The following DOCK3 variants were observed in gnomAD, a reference collection of about 807,000 sequenced individuals.
The protein encoded by DOCK3 is dedicator of cytokinesis 3, also known as dedicator of cytokinesis protein 3.
In DOCK3, 60 loss-of-function variants were observed where a neutral mutation model predicts 265.6. That is an observed-to-expected ratio of 0.23 (90% confidence interval 0.18 to 0.28). The LOEUF is 0.28. Ranked by LOEUF, DOCK3 falls within the 10% of genes least tolerant of loss-of-function variation. The probability of loss-of-function intolerance (pLI) is 1.00; values close to 1 mark genes in which losing one functional copy is unlikely to be tolerated. For missense variants in DOCK3, 1,981 were observed against 2,594.3 expected, an observed-to-expected ratio of 0.76 and a Z score of 5.14; for synonymous variants, 881 against 938.0, an observed-to-expected ratio of 0.94 and a Z score of 1.11.
intron 5 of DOCK3, among the ~76,000 whole-genome samples, chr3:51,030,432 C>G (rs774988120): frequency 1.3e-5 from 2 of 152,132 alleles, no homozygotes; most frequent in Non-Finnish European, 2.9e-5. Flanking sequence ...TTGAGTAAGG[C>G]AGATTCTTTG....
intron 38 of DOCK3, among the ~76,000 whole-genome samples, chr3:51,346,115 T>A (rs1560475116): frequency 6.6e-6 from 1 of 152,154 alleles, no homozygotes; most frequent in East Asian, 1.9e-4. Flanking sequence ...AGTAAACTAA[T>A]GACCCTCAAT....
intron 2 of DOCK3, among the ~76,000 whole-genome samples, chr3:50,829,045 C>A (rs553035025): frequency 6.6e-6 from 1 of 152,238 alleles, no homozygotes; most frequent in African/African-American, 2.4e-5. Flanking sequence ...CTTTACCATG[C>A]TTTTACATGG....
intron 1 of DOCK3, among the ~76,000 whole-genome samples, chr3:50,739,872 T>C (rs1335611623): frequency 6.6e-6 from 1 of 152,176 alleles, no homozygotes; most frequent in East Asian, 1.9e-4. Context: ...ATTAAAAAAA[T>C]TTATAATTGA....
chr3:51,063,369 A>G (rs901180770), intron 5 of DOCK3, among the ~76,000 whole-genome samples: 1 of 152,200 alleles, frequency 6.6e-6, no homozygotes, highest in African/African-American at 2.4e-5. Flanking sequence ...CTTAATAGAA[A>G]AAAGTCACAT....
intron 44 of DOCK3, 23 bp downstream of exon 44, chr3:51,357,164 A>T (rs752282935): frequency 6.9e-6 from 11 of 1,601,636 alleles, no homozygotes; most frequent in Non-Finnish European, 9.4e-6. Flanking sequence ...CACAGGCCAA[A>T]CCCATGCAGC....
At chr3:50,994,640 G>A (rs1442431993) in intron 5 of DOCK3, among the ~76,000 whole-genome samples, 11 of 152,200 alleles carry the variant, frequency 7.2e-5, no homozygotes, top group African/African-American at 2.7e-4. Flanking sequence ...TGGATATTCA[G>A]GTGAAGATAT....
At chr3:51,134,856 A>G (rs1161142424) in intron 9 of DOCK3, among the ~76,000 whole-genome samples, 2 of 152,176 alleles carry the variant, frequency 1.3e-5, no homozygotes, top group Admixed American at 6.5e-5. Flanking sequence ...TTGAATTTCA[A>G]CTTTACTACT....
At chr3:50,744,923 G>A (rs2039325224) in intron 1 of DOCK3, among the ~76,000 whole-genome samples, 1 of 152,038 alleles carries the variant, frequency 6.6e-6, no homozygotes, top group African/African-American at 2.4e-5. Context: ...TGATCTATAT[G>A]TCTACCCTTA....
At chr3:50,979,877 T>A (rs773842338) in intron 5 of DOCK3, among the ~76,000 whole-genome samples, 105 of 152,336 alleles carry the variant, frequency 6.9e-4, no homozygotes, top group Non-Finnish European at 1.0e-3. Context: ...TTTTTCTATA[T>A]ATGTAAGGTT....
At chr3:50,886,611 A>G (rs1321008598) in intron 3 of DOCK3, among the ~76,000 whole-genome samples, 2 of 127,404 alleles carry the variant, frequency 1.6e-5, no homozygotes, top group African/African-American at 6.1e-5. Context: ...TCCTGTGTCC[A>G]TGTGTTCTCA....
chr3:51,048,145 G>A (rs908848078), intron 5 of DOCK3, among the ~76,000 whole-genome samples: 1 of 150,680 alleles, frequency 6.6e-6, no homozygotes, highest in African/African-American at 2.5e-5. Context: ...CTCAATAGAT[G>A]GGGGGAAAGC....
At chr3:50,910,328 C>T (rs2049793086) in intron 4 of DOCK3, among the ~76,000 whole-genome samples, 1 of 151,978 alleles carries the variant, frequency 6.6e-6, no homozygotes, top group Non-Finnish European at 1.5e-5. Flanking sequence ...CCAGCATCAC[C>T]CCTCCTTACA....
At chr3:50,950,244 G>A (rs2076552569) in intron 5 of DOCK3, among the ~76,000 whole-genome samples, 1 of 151,930 alleles carries the variant, frequency 6.6e-6, no homozygotes, top group South Asian at 2.1e-4. Context: ...ATACCTTCAG[G>A]TTTTGTTGTT....
At chr3:50,976,677 A>T (rs987761180) in intron 5 of DOCK3, among the ~76,000 whole-genome samples, 1 of 151,974 alleles carries the variant, frequency 6.6e-6, no homozygotes, top group Non-Finnish European at 1.5e-5. Context: ...TGCAGAGCTG[A>T]GTTCAATTGC....
intron 9 of DOCK3, among the ~76,000 whole-genome samples, chr3:51,128,011 A>C (rs551885994): frequency 5.9e-5 from 9 of 152,348 alleles, no homozygotes; most frequent in African/African-American, 2.2e-4. Context: ...CTCAACCAAC[A>C]CTGTAACTCC....
chr3:51,335,307 A>G (rs1301595812), intron 35 of DOCK3, among the ~76,000 whole-genome samples: 2 of 152,020 alleles, frequency 1.3e-5, no homozygotes, highest in African/African-American at 4.8e-5. Flanking sequence ...ACCCAGATCT[A>G]GCTGACTCAA....
At chr3:51,300,418 C>T (rs1421656949) in intron 27 of DOCK3, among the ~76,000 whole-genome samples, 2 of 152,114 alleles carry the variant, frequency 1.3e-5, no homozygotes, top group African/African-American at 4.8e-5. Context: ...ATTGCCCTGG[C>T]CAGAACTTCC....
At chr3:51,205,447 C>G (rs2089137210) in intron 12 of DOCK3, among the ~76,000 whole-genome samples, 1 of 151,424 alleles carries the variant, frequency 6.6e-6, no homozygotes, top group Admixed American at 6.6e-5. Flanking sequence ...GTGATCTTAG[C>G]ACTTTGAGGG....
At chr3:50,951,791 GAA>G (rs60461799) in intron 5 of DOCK3, among the ~76,000 whole-genome samples, 3 of 149,448 alleles carry the variant, frequency 2.0e-5, no homozygotes, top group Non-Finnish European at 1.5e-5. Context: ...TGCTAAGACT[GAA>G]AAAAAAAATA....
Sources: allele counts gnomAD v4.1 joint callset (sites outside exome capture counted in the v4.1 genomes callset), GRCh38; gene constraint gnomAD v4.1.1; transcripts MANE v1.5; gene names NCBI Gene and HGNC (gene_info 2026-07-23, HGNC 2026-07-21).